NRG3: variants seen among roughly 807,000 people sequenced by gnomAD.
NRG3 encodes the protein pro-neuregulin-3, membrane-bound isoform.
NRG3 carries 31 observed loss-of-function variants against 66.9 expected under a neutral mutation model. The observed-to-expected ratio is 0.46, with a 90% CI of 0.35 to 0.63. The LOEUF is 0.63. Ranked by LOEUF, NRG3 falls within the 20% of genes least tolerant of loss-of-function variation. The probability of loss-of-function intolerance (pLI) is 0.00; values close to 1 mark genes in which losing one functional copy is unlikely to be tolerated. For synonymous variants in NRG3, 393 were observed against 359.4 expected (o/e 1.09, Z -1.06); for missense variants, 910 against 878.9 (o/e 1.04, Z -0.45).
chr10:82,355,640 T>C (rs2135555733), intron 1 of NRG3, among the ~76,000 whole-genome samples: 1 of 152,330 alleles, frequency 6.6e-6, no homozygotes, highest in African/African-American at 2.4e-5. Context: ...AGAGTTAGCG[T>C]AGCAACCTCG....
intron 2 of NRG3, among the ~76,000 whole-genome samples, chr10:82,455,589 C>T (rs1475358774): frequency 1.3e-5 from 2 of 151,126 alleles, no homozygotes; most frequent in South Asian, 2.1e-4. Context: ...ACTTCATAAA[C>T]ACTGGGCACT....
At position 82,985,703 on chromosome 10, in the gene NRG3, A is replaced by T. The variant is rs954480335; in HGVS notation, c.*98A>T. The stretch of plus-strand genomic sequence containing the variant: ...TATATGCATTAATTTAAGAGCATCT[A>T]CTTAGAAGAAACCAAATAGTCTATC... On this transcript the variant is annotated 3_prime_UTR_variant, in exon 9 of 9. Transcript: ENST00000372141. 2 of 1,332,342 alleles carry T rather than the reference A, an allele frequency of 1.5e-6. No homozygotes were observed. The highest frequency in any genetic ancestry group is 2.0e-6 in the Non-Finnish European group (2 of 980,152). The allele number at this position is 1,332,342 out of a possible 1,614,324, so 82.5% of individuals were successfully genotyped here.
chr10:82,184,358 C>T (rs900442212), intron 1 of NRG3, among the ~76,000 whole-genome samples: 1 of 152,018 alleles, frequency 6.6e-6, no homozygotes, highest in Non-Finnish European at 1.5e-5. Flanking sequence ...TTGGTAAGAA[C>T]TTGTCCAAAT....
In NRG3 at chr10:82,219,413, A is replaced by G. The variant is rs187439103; in HGVS notation, c.824-139326A>G. Among the ~76,000 whole-genome samples, 29 of 151,642 alleles carry G rather than the reference A, an allele frequency of 1.9e-4. 1 individual carries two copies. Among genetic ancestry groups the G allele is most frequent in the Admixed American group, 1.8e-3 (28 of 15,158 alleles). On this transcript the variant is annotated intron_variant, in intron 1 of 8. Transcript: ENST00000372141. ...TCCAGACTGTAAAAATTATCAAACT[A>G]CTCTTGGGAAAGATGAATCTATTTT...
chr10:82,155,846 A>G (rs991873703), intron 1 of NRG3, among the ~76,000 whole-genome samples: 2 of 151,784 alleles, frequency 1.3e-5, no homozygotes, highest in East Asian at 3.8e-4. Flanking sequence ...CTCAATACAT[A>G]ACAGGTAGTA....
intron 1 of NRG3, among the ~76,000 whole-genome samples, chr10:82,276,094 A>G (rs2078834193): frequency 6.6e-6 from 1 of 151,986 alleles, no homozygotes; most frequent in Admixed American, 6.6e-5. Context: ...GACAACAATA[A>G]GTTCGTTTTA....
chr10:82,786,710 G>A (rs1591524006), intron 3 of NRG3, among the ~76,000 whole-genome samples: 1 of 152,132 alleles, frequency 6.6e-6, no homozygotes, highest in East Asian at 1.9e-4. Context: ...CAAGCCAGGG[G>A]GCAGCATGCT....
At chr10:82,797,303 C>T (rs1315305598) in intron 3 of NRG3, among the ~76,000 whole-genome samples, 1 of 152,098 alleles carries the variant, frequency 6.6e-6, no homozygotes, top group African/African-American at 2.4e-5. Flanking sequence ...TTAACTTGGC[C>T]CAGTGGCTGC....
intron 1 of NRG3, chr10:82,233,056 G>GC: frequency 2.1e-6 from 1 of 486,860 alleles, no homozygotes; most frequent in Non-Finnish European, 3.7e-6. Context: ...GCTTCAGGCT[G>GC]GTCCCTTTCC....
At chr10:82,151,411 C>T (rs1231910153) in intron 1 of NRG3, among the ~76,000 whole-genome samples, 1 of 152,138 alleles carries the variant, frequency 6.6e-6, no homozygotes, top group Non-Finnish European at 1.5e-5. Flanking sequence ...AGAAATTTTC[C>T]TAGCAGAGCA....
At chr10:82,009,262 A>G (rs1027316722) in intron 1 of NRG3, among the ~76,000 whole-genome samples, 1 of 152,204 alleles carries the variant, frequency 6.6e-6, no homozygotes, top group African/African-American at 2.4e-5. Flanking sequence ...AGCGTAAGAA[A>G]ACTCAGAATG....
intron 1 of NRG3, among the ~76,000 whole-genome samples, chr10:82,233,995 C>G (rs1232923499): frequency 6.6e-6 from 1 of 152,140 alleles, no homozygotes; most frequent in East Asian, 1.9e-4. Flanking sequence ...CCATCATATT[C>G]TCCACATTTA....
At chr10:82,699,054 A>G (rs2055625245) in intron 2 of NRG3, among the ~76,000 whole-genome samples, 1 of 152,152 alleles carries the variant, frequency 6.6e-6, no homozygotes, top group African/African-American at 2.4e-5. Flanking sequence ...AGGGCAAATC[A>G]AAGTTTTCTG....
intron 1 of NRG3, among the ~76,000 whole-genome samples, chr10:82,352,396 G>A (rs527807169): frequency 1.9e-4 from 29 of 152,276 alleles, no homozygotes; most frequent in African/African-American, 3.1e-4. Context: ...CCTCCCAGAC[G>A]TGTGTGTTAT....
intron 1 of NRG3, among the ~76,000 whole-genome samples, chr10:82,125,616 G>C (rs2068394850): frequency 6.6e-6 from 1 of 151,850 alleles, no homozygotes; most frequent in African/African-American, 2.4e-5. Flanking sequence ...TATATTTTTA[G>C]TCTTGACTTC....
intron 6 of NRG3, among the ~76,000 whole-genome samples, chr10:82,968,114 T>C (rs1459814379): frequency 6.6e-6 from 1 of 152,252 alleles, no homozygotes; most frequent in Non-Finnish European, 1.5e-5. Flanking sequence ...GTTCATTTAT[T>C]TTTCTTATTG....
At chr10:82,113,217 C>T (rs1259997199) in intron 1 of NRG3, among the ~76,000 whole-genome samples, 1 of 152,086 alleles carries the variant, frequency 6.6e-6, no homozygotes, top group African/African-American at 2.4e-5. Context: ...CCCACAACAA[C>T]CCTATGGAGA....
chr10:82,775,007 A>C (rs2059857127), intron 3 of NRG3, among the ~76,000 whole-genome samples: 1 of 150,890 alleles, frequency 6.6e-6, no homozygotes, highest in South Asian at 2.1e-4. Context: ...TTGTATTTTT[A>C]GTAGAGACAG....
At chr10:82,634,027 G>C (rs1421186712) in intron 2 of NRG3, among the ~76,000 whole-genome samples, 1 of 152,166 alleles carries the variant, frequency 6.6e-6, no homozygotes, top group African/African-American at 2.4e-5. Flanking sequence ...ATCAGAACTT[G>C]GGCATATAGA....
Sources: allele counts gnomAD v4.1 joint callset (sites outside exome capture counted in the v4.1 genomes callset), GRCh38; gene constraint gnomAD v4.1.1; transcripts MANE v1.5; gene names NCBI Gene and HGNC (gene_info 2026-07-23, HGNC 2026-07-21).